LRWD1: variants seen among roughly 807,000 people sequenced by gnomAD.
LRWD1 encodes leucine-rich repeat and WD repeat-containing protein 1.
A neutral mutation model predicts 75.6 loss-of-function variants in LRWD1; 76 were observed. The observed-to-expected ratio is 1.01, with a 90% CI of 0.84 to 1.22. The LOEUF (loss-of-function observed/expected upper bound fraction) is 1.22. LRWD1 is among the 50% of genes most tolerant of loss of function. LRWD1 has a pLI of 0.00. For synonymous variants in LRWD1, 487 were observed against 377.0 expected, an observed-to-expected ratio of 1.29 and a Z score of -3.38; for missense variants, 917 against 862.0, an observed-to-expected ratio of 1.06 and a Z score of -0.80.
At chr7:102,469,958 A>T in intron 11 of LRWD1, 76 bp downstream of exon 11, 1 of 1,424,278 alleles carries the variant, frequency 7.0e-7, no homozygotes, top group Non-Finnish European at 9.2e-7. Flanking sequence ...GGCTCACAGC[A>T]GCCTGGGCAC....
At chr7:102,467,118 G>GGT (rs60020010) in intron 3 of LRWD1, among the ~76,000 whole-genome samples, 63,099 of 114,382 alleles carry the variant, frequency 0.55, 19,556 homozygotes, top group Middle Eastern at 0.69. Flanking sequence ...TTGTTGCTGG[G>GGT]GTGTGTGTGT....
At position 102,466,884 on chromosome 7, in the gene LRWD1, G is replaced by A. The variant is rs147151872; in HGVS notation, c.433-455G>A. On this transcript the variant is annotated intron_variant, in intron 3 of 14. Transcript: ENST00000292616. ...CAGCCTCCAACTCCTGGGCTCAAGC[G>A]ATCTTCCCGCCTTAGCCTTCTGAAT... Among the ~76,000 whole-genome samples, 684 of 143,114 alleles carry A rather than the reference G, an allele frequency of 4.8e-3. 5 individuals carry two copies. Among genetic ancestry groups the A allele is most frequent in the African/African-American group, 0.017 (652 of 38,452 alleles). The allele number at this position is 143,114 out of a possible 152,430, so 93.9% of individuals were successfully genotyped here. A position where few individuals can be genotyped will look rare whatever the true frequency, so the allele number is the denominator to read the frequency against.
rs752620718 is a variant in LRWD1 at position 102,472,735 on chromosome 7, G to A, written c.1734G>A (p.Trp578Ter). ...GTGGGGATGAGGAGGGCAACGTGTG[G>A]CTCTACGACGTCAGCAACATCCTGA... ...VLCGDEEGNV[W>*]LYDVSNILKQ... Residue 578 changes from tryptophan (W) to a stop codon, truncating the protein, a stop_gained, in exon 14 of 15, where the codon TGG (tryptophan) becomes TGA (stop). Coordinates refer to ENST00000292616, the MANE Select transcript of LRWD1 (RefSeq NM_152892.3). LOFTEE classifies it high-confidence loss of function. The A allele has an allele frequency of 1.9e-6, 3 of 1,613,536 alleles. No homozygotes were observed. Among genetic ancestry groups the A allele is most frequent in the South Asian group, 2.2e-5 (2 of 91,092 alleles).
intron 3 of LRWD1, among the ~76,000 whole-genome samples, chr7:102,466,760 CTTTTTTTTTTTTTTTTTTTTTTT>C (rs71106685): frequency 1.1e-4 from 6 of 53,050 alleles, no homozygotes; most frequent in African/African-American, 5.3e-4. Flanking sequence ...TCTTTTTTAC[CTTTTTTTTTTTTTTTTTTTTTTT>C]TTTTTTTTTT....
rs150315025 is a variant in LRWD1, at chr7:102,466,535, C to T, written c.432+265C>T. 8.7e-3 allele frequency among the ~76,000 whole-genome samples: 1,320 copies of T among 152,262 alleles called. 18 individuals carry two copies. The highest frequency in any genetic ancestry group is 0.03 in the African/African-American group (1,265 of 41,530). ...GTTCAAGTGATTTTCCTGCCTCAGC[C>T]TCCCGAGTAACTAGGATTACAAGCA... On this transcript the variant is annotated intron_variant, in intron 3 of 14. Transcript: ENST00000292616.
intron 11 of LRWD1, chr7:102,470,443 G>A (rs12533649): frequency 0.53 from 80,309 of 152,462 alleles, 22,551 homozygotes; most frequent in Middle Eastern, 0.66. Flanking sequence ...TGCCAGCTAC[G>A]AAGGAGACGG....
In LRWD1 at chr7:102,469,051, C is replaced by T; in HGVS notation, c.1217C>T (p.Thr406Ile). The part of the protein sequence containing the change: ...ATLCFSPAHE[T>I]HLFTASYDKR... The stretch of plus-strand genomic sequence containing the variant: ...CTGTGCTTCAGCCCCGCCCACGAGA[C>T]CCATCTCTTCAGTAAGCCCCTCCCC... The change falls in exon 9 of 15, where the codon ACC becomes ATC. Residue 406 changes from threonine to isoleucine, a missense_variant. Transcript: ENST00000292616. The T allele has an allele frequency of 6.2e-7, 1 of 1,605,286 alleles. No homozygotes were observed. Among genetic ancestry groups the T allele is most frequent in the Non-Finnish European group, 8.5e-7 (1 of 1,175,818 alleles).
chr7:102,468,436 T>C, intron 7 of LRWD1, 59 bp downstream of exon 7: 1 of 1,542,388 alleles, frequency 6.5e-7, no homozygotes, highest in East Asian at 2.4e-5. Flanking sequence ...CCTGGATGGG[T>C]GGGGGATCAG....
intron 1 of LRWD1, chr7:102,465,489 CTTTTTTTTTTTTTTTTTTTTTT>C (rs1007523343): frequency 5.5e-5 from 4 of 72,438 alleles, no homozygotes; most frequent in African/African-American, 9.3e-5. Context: ...GTAGTTGCAG[CTTTTTTTTTTTTTTTTTTTTTT>C]TTTTTTTTTT....
chr7:102,468,813 A>G (rs1798096044), intron 8 of LRWD1, 42 bp from the exon 9 acceptor site: 6 of 1,598,574 alleles, frequency 3.8e-6, no homozygotes, highest in Middle Eastern at 3.3e-4. Context: ...GTTCACACCA[A>G]TAGCTCTGCC....
chr7:102,473,151 C>T lies in LRWD1; in HGVS notation c.*102C>T, dbSNP rs748420109. 33 of 1,321,848 alleles carry T rather than the reference C, an allele frequency of 2.5e-5. No individual in the cohort carries two copies. Among genetic ancestry groups the T allele is most frequent in the Non-Finnish European group, 3.1e-5 (30 of 965,224 alleles). The allele number at this position is 1,321,848 out of a possible 1,614,324, so 81.9% of individuals were successfully genotyped here. A position where few individuals can be genotyped will look rare whatever the true frequency, so the allele number is the denominator to read the frequency against. ...TCTTTCAGTGAATATTTTTATTAAA[C>T]TCTACTGTGGACAAGAAGCCTGTGG... On this transcript the variant is annotated 3_prime_UTR_variant, in exon 15 of 15. Coordinates refer to ENST00000292616, the MANE Select transcript of LRWD1 (RefSeq NM_152892.3).
chr7:102,467,968 C>T (rs1798063415), intron 5 of LRWD1, 94 bp from the exon 6 acceptor site: 2 of 1,537,378 alleles, frequency 1.3e-6, no homozygotes, highest in Admixed American at 2.0e-5. Context: ...CAGCCTGGGC[C>T]TCCTGCATCC....
In LRWD1 at chr7:102,472,967, A is replaced by C. The variant is rs767255967; in HGVS notation, c.1862A>C (p.Asn621Thr). Residue 621 changes from asparagine (N) to threonine (T), a missense_variant, in exon 15 of 15, where the codon AAC (asparagine) becomes ACC (threonine). Physicochemically the swap from Asn to Thr is moderately conservative, Grantham distance 65. Coordinates refer to ENST00000292616, the MANE Select transcript of LRWD1 (RefSeq NM_152892.3). The part of the protein sequence containing the change: ...LGQVVTKTMV[N>T]TVVANASFTY... ...CAGGTGGTGACCAAGACCATGGTGA[A>C]CACAGTGGTGGCCAATGCCTCCTTC... 10 of 1,613,974 alleles carry C rather than the reference A, an allele frequency of 6.2e-6. No homozygotes were observed. In the South Asian group the frequency reaches 1.1e-4, roughly 18 times the overall value.
Position 102,467,511 on chromosome 7 carries a change from C to G in LRWD1, c.573+32C>G, listed in dbSNP as rs747005063. ...CCCTGTCCCAATGTGCAGGGAGTCA[C>G]TGGCTCTCGTATCTCTAGCTGCCTG... On this transcript the variant is annotated intron_variant, in intron 4 of 14. Transcript: ENST00000292616. 3.7e-6 allele frequency: 6 copies of G among 1,604,148 alleles called. No homozygotes were observed. In the East Asian group the frequency reaches 1.3e-4, roughly 36 times the overall value.
chr7:102,469,718 C>G lies in LRWD1; in HGVS notation c.1302-24C>G, dbSNP rs1554580110. The G allele has an allele frequency of 3.1e-6, 5 of 1,611,938 alleles. No homozygotes were observed. In the South Asian group the frequency reaches 4.4e-5, roughly 14 times the overall value. On this transcript the variant is annotated intron_variant, in intron 10 of 14. Transcript: ENST00000292616. ...GACACCTCGGTCTGGGTCTGATGCT[C>G]TGTTCCCCCTTGCCCACTGGCAGCC...
At position 102,472,569 on chromosome 7, in the gene LRWD1, G is replaced by A. The variant is rs141380376; in HGVS notation, c.1650G>A (p.Ser550=). ...AVVVLARLQW[S]STELAYFSLS... Reference sequence around the variant, plus strand: ...TGGTCCTGGCGCGGCTGCAATGGTCGTCCACCGAGTTGGCCTACTTCTCGC... The same window carrying A: ...TGGTCCTGGCGCGGCTGCAATGGTCATCCACCGAGTTGGCCTACTTCTCGC... Residue 550 remains serine (S), a synonymous_variant, in exon 13 of 15, where the codon TCG becomes TCA. Transcript: ENST00000292616. The A allele has an allele frequency of 1.2e-3, 1,971 of 1,605,774 alleles. 1 individual carries two copies. The highest frequency in any genetic ancestry group is 1.6e-3 in the Non-Finnish European group (1,826 of 1,176,876).
In LRWD1 at chr7:102,465,019, C is replaced by G. The variant is rs1797913247; in HGVS notation, c.-62C>G. The G allele has an allele frequency of 7.2e-7, 1 of 1,391,494 alleles. No individual in the cohort carries two copies. The highest frequency in any genetic ancestry group is 9.4e-7 in the Non-Finnish European group (1 of 1,067,688). The allele number at this position is 1,391,494 out of a possible 1,614,324, so 86.2% of individuals were successfully genotyped here. ...GACGCCAGTGCCGGGCTCCAGGAGACGCAGGGCGACGCCACACGCCGGGGT... is the reference window on the plus strand; with the variant it reads ...GACGCCAGTGCCGGGCTCCAGGAGAGGCAGGGCGACGCCACACGCCGGGGT... On this transcript the variant is annotated 5_prime_UTR_variant, in exon 1 of 15. Transcript: ENST00000292616.
In LRWD1 at chr7:102,469,853, C is replaced by T. The variant is rs753810823; in HGVS notation, c.1413C>T (p.Asp471=). ...GCGAGGGCGGCTGCTGCTGCTGGGA[C>T]GTGCGGCTGGACCAGCCCCAAAAGA... The part of the protein sequence containing the change: ...AGCEGGCCCW[D]VRLDQPQKRR... The change falls in exon 11 of 15, where the codon GAC becomes GAT. Residue 471 remains aspartate, a synonymous_variant. Transcript: ENST00000292616. 1.3e-5 allele frequency: 20 copies of T among 1,594,710 alleles called. No homozygotes were observed. The highest frequency in any genetic ancestry group is 3.4e-5 in the South Asian group (3 of 88,892).
chr7:102,469,701 G>T, intron 10 of LRWD1, 41 bp from the exon 11 acceptor site: 2 of 1,613,408 alleles, frequency 1.2e-6, no homozygotes, highest in Non-Finnish European at 1.7e-6. Context: ...GGGACACCTC[G>T]GTCTGGGTCT....
Sources: gnomAD v4.1 joint callset for allele counts (sites outside exome capture counted in the v4.1 genomes callset) on GRCh38, gnomAD v4.1.1 for gene constraint, MANE v1.5 for transcripts, NCBI Gene and HGNC (gene_info 2026-07-23, HGNC 2026-07-21) for gene names.